FHDC1: variants seen among roughly 807,000 people sequenced by gnomAD.
The protein encoded by FHDC1 is FH2 domain containing 1, also known as FH2 domain-containing protein 1.
FHDC1 carries 25 observed loss-of-function variants against 52.6 expected under a neutral mutation model. That is an observed-to-expected ratio of 0.48 (90% CI 0.35 to 0.66). FHDC1 has a LOEUF of 0.66. Among genes scored for constraint, FHDC1 ranks in the 30% least tolerant of loss-of-function variants. The probability of loss-of-function intolerance (pLI) is 0.01; values close to 1 mark genes in which losing one functional copy is unlikely to be tolerated. For synonymous variants in FHDC1, 616 were observed against 581.5 expected (o/e 1.06, Z -0.85); for missense variants, 1,459 against 1,452.8 (o/e 1.00, Z -0.07).
the FHDC1 span, among the ~76,000 whole-genome samples, chr4:152,925,730 CAA>C: frequency 1.4e-5 from 2 of 144,056 alleles, no homozygotes; most frequent in African/African-American, 5.2e-5. Context: ...TTTTTTTTAA[CAA>C]AGACATTTCC....
chr4:152,968,695 G>C (rs1740542674), intron 10 of FHDC1, among the ~76,000 whole-genome samples: 1 of 152,184 alleles, frequency 6.6e-6, no homozygotes. Context: ...TGCTCAGTTT[G>C]CACGATTGCA....
the FHDC1 span, among the ~76,000 whole-genome samples, chr4:152,927,232 C>T: frequency 6.6e-6 from 1 of 152,230 alleles, no homozygotes; most frequent in African/African-American, 2.4e-5. Flanking sequence ...GGGAGGCTCC[C>T]AGGCCTCAGC....
Position 152,953,501 on chromosome 4 carries a change from T to C in FHDC1, c.501T>C (p.Ile167=). ...NSSFREAREE[I]TILDAKRSMN... ...TGTGTCCTTATTTTTTTTTCCAGATTACTATTTTGGATGCAAAACGGAGCA... is the reference window on the plus strand; with the variant it reads ...TGTGTCCTTATTTTTTTTTCCAGATCACTATTTTGGATGCAAAACGGAGCA... Residue 167 remains isoleucine (I), a splice_region_variant and synonymous_variant, in exon 3 of 12, where the codon ATT becomes ATC. Coordinates refer to ENST00000511601, the MANE Select transcript of FHDC1 (RefSeq NM_001371116.1). 1.2e-6 allele frequency: 2 copies of C among 1,611,704 alleles called. No individual in the cohort carries two copies. Among genetic ancestry groups the C allele is most frequent in the Non-Finnish European group, 8.5e-7 (1 of 1,179,274 alleles).
Position 152,977,992 on chromosome 4 carries a change from C to G in FHDC1, c.*1269C>G, listed in dbSNP as rs993729155. 6.6e-6 allele frequency: 1 copy of G among 152,244 alleles called. No individual in the cohort carries two copies. Among genetic ancestry groups the G allele is most frequent in the Non-Finnish European group, 1.5e-5 (1 of 68,074 alleles). 9.4% of individuals were successfully genotyped at this position (152,244 alleles called of 1,614,324 possible). On this transcript the variant is annotated 3_prime_UTR_variant, in exon 12 of 12. Transcript: ENST00000511601. ...GGACTCAGACAGAAATCAGATGCTT[C>G]CATGTATTCAGGGCGCGCATTGTGA... is the stretch of plus-strand genomic sequence containing the variant.
At chr4:152,960,511 T>C in intron 4 of FHDC1, 54 bp from the exon 5 acceptor site, 1 of 1,387,534 alleles carries the variant, frequency 7.2e-7, no homozygotes, top group Non-Finnish European at 1.0e-6. Context: ...TAAATAATCT[T>C]AAATTGTATT....
chr4:152,968,633 G>GC (rs1253492507), intron 10 of FHDC1, among the ~76,000 whole-genome samples: 3 of 152,042 alleles, frequency 2.0e-5, no homozygotes, highest in Non-Finnish European at 1.5e-5. Flanking sequence ...CCCAGCCCAA[G>GC]CCTGATGTAT....
chr4:152,942,265 C>T (rs1055483178), intron 1 of FHDC1, among the ~76,000 whole-genome samples: 2 of 152,140 alleles, frequency 1.3e-5, no homozygotes, highest in African/African-American at 4.8e-5. Context: ...TCTGGTGAGG[C>T]AAAGTGACTT....
chr4:152,921,898 G>C, the FHDC1 span, among the ~76,000 whole-genome samples: 2 of 152,132 alleles, frequency 1.3e-5, no homozygotes, highest in African/African-American at 4.8e-5. Flanking sequence ...GTCCACAAGA[G>C]AAAGCAGGAA....
chr4:152,955,176 A>C (rs1740046949), intron 4 of FHDC1, among the ~76,000 whole-genome samples: 1 of 152,190 alleles, frequency 6.6e-6, no homozygotes, highest in Non-Finnish European at 1.5e-5. Flanking sequence ...GTAAACTGTT[A>C]ATAAAATCTT....
the FHDC1 span, chr4:152,928,222 T>C: frequency 2.7e-6 from 2 of 741,806 alleles, no homozygotes; most frequent in Non-Finnish European, 5.0e-6. Flanking sequence ...TCTCTGTCCT[T>C]ACACAGGGAG....
At chr4:152,928,289 C>CA in the FHDC1 span, 804 of 557,536 alleles carry the variant, frequency 1.4e-3, no homozygotes, top group African/African-American at 3.3e-3. Context: ...TTATGTCCCT[C>CA]AAAAAAAAAC....
chr4:152,963,154 A>G (rs1381731452), intron 8 of FHDC1, 24 bp downstream of exon 8: 2 of 1,600,452 alleles, frequency 1.2e-6, no homozygotes, highest in Non-Finnish European at 1.7e-6. Flanking sequence ...ATTAGGACTT[A>G]GAGAACGCAT....
At chr4:152,956,521 AG>A (rs1316292596) in intron 4 of FHDC1, among the ~76,000 whole-genome samples, 3 of 152,212 alleles carry the variant, frequency 2.0e-5, no homozygotes, top group Non-Finnish European at 4.4e-5. Flanking sequence ...CATATTTAAA[AG>A]AACTTTGTAT....
At chr4:152,925,136 A>G in the FHDC1 span, among the ~76,000 whole-genome samples, 1 of 152,114 alleles carries the variant, frequency 6.6e-6, no homozygotes, top group Non-Finnish European at 1.5e-5. Flanking sequence ...CTAAAGATTT[A>G]TTCAAGTTAC....
chr4:152,974,987 A>C lies in FHDC1; in HGVS notation c.1696A>C (p.Asn566His). 6.2e-7 allele frequency: 1 copy of C among 1,612,534 alleles called. No individual in the cohort carries two copies. The highest frequency in any genetic ancestry group is 8.5e-7 in the Non-Finnish European group (1 of 1,179,840). The change falls in exon 12 of 12, where the codon AAT becomes CAT. Residue 566 changes from asparagine to histidine, a missense_variant. Asn to His is a moderately conservative substitution (Grantham distance 68). Transcript: ENST00000511601. ...ESSTGSPEEP[N>H]KFHSLPRSSP... is the part of the protein sequence containing the mutation. ...CTCCACCGGCAGCCCTGAGGAGCCC[A>C]ATAAGTTCCACAGCCTGCCCCGGAG...
chr4:152,921,591 T>C, the FHDC1 span, among the ~76,000 whole-genome samples: 1 of 133,156 alleles, frequency 7.5e-6, no homozygotes, highest in African/African-American at 2.9e-5. Context: ...CCTTCCTCCC[T>C]CCCTCCCTCC....
chr4:152,930,997 ACTCTCTCTCTCT>A, the FHDC1 span, among the ~76,000 whole-genome samples: 27 of 113,252 alleles, frequency 2.4e-4, no homozygotes, highest in African/African-American at 8.8e-4. Context: ...ACACACACAC[ACTCTCTCTCTCT>A]CTCTCTCTCT....
the FHDC1 span, among the ~76,000 whole-genome samples, chr4:152,925,010 T>TG: frequency 6.7e-6 from 1 of 149,936 alleles, no homozygotes; most frequent in Non-Finnish European, 1.5e-5. Flanking sequence ...TAAAGTATAA[T>TG]AAAAAAAAAG....
chr4:152,973,139 G>T (rs1309366232), intron 11 of FHDC1, among the ~76,000 whole-genome samples: 11 of 152,144 alleles, frequency 7.2e-5, no homozygotes, highest in Admixed American at 7.2e-4. Context: ...TCATCTCTGG[G>T]TTTAATGTAG....
Sources: gnomAD v4.1 joint callset for allele counts (sites outside exome capture counted in the v4.1 genomes callset) on GRCh38, gnomAD v4.1.1 for gene constraint, MANE v1.5 for transcripts, NCBI Gene and HGNC (gene_info 2026-07-23, HGNC 2026-07-21) for gene names.